TERB1: variants seen among roughly 807,000 people sequenced by gnomAD.
TERB1 encodes the protein telomere repeats-binding bouquet formation protein 1.
TERB1 carries 63 observed loss-of-function variants against 92.3 expected under a neutral mutation model. That is an observed-to-expected ratio of 0.68 (90% CI 0.56 to 0.84). TERB1 has a LOEUF of 0.84. TERB1 is among the 40% of genes least tolerant of loss of function. The probability of loss-of-function intolerance (pLI) is 0.00; values close to 1 mark genes in which losing one functional copy is unlikely to be tolerated. For synonymous variants in TERB1, 252 were observed against 283.9 expected (o/e 0.89, Z 1.13); for missense variants, 709 against 843.7 (o/e 0.84, Z 1.98).
At position 66,794,946 on chromosome 16, in the gene TERB1, C is replaced by A. The variant is rs191271262; in HGVS notation, c.31+1822G>T. ...AAACACACACACACACACACACACA[C>A]AATCAAATAAAATTTGATAAATTGG... On this transcript the variant is annotated intron_variant, in intron 3 of 18. Coordinates refer to ENST00000433154, the MANE Select transcript of TERB1 (RefSeq NM_001136505.2). 2.3e-3 allele frequency among the ~76,000 whole-genome samples: 352 copies of A among 151,772 alleles called. 2 individuals are homozygous for A. Among genetic ancestry groups the A allele is most frequent in the Non-Finnish European group, 3.6e-3 (246 of 67,898 alleles).
intron 1 of TERB1, 90 bp downstream of exon 1, chr16:66,801,378 A>T (rs1194328545): frequency 6.6e-6 from 1 of 152,352 alleles, no homozygotes; most frequent in African/African-American, 2.4e-5. Context: ...CCGTCCCCCC[A>T]ACTCGACCCT....
intron 16 of TERB1, among the ~76,000 whole-genome samples, chr16:66,759,952 G>A (rs192532355): frequency 6.7e-6 from 1 of 148,758 alleles, no homozygotes; most frequent in East Asian, 2.0e-4. Flanking sequence ...GGCCAATATG[G>A]TGAAACCCCA....
intron 2 of TERB1, 94 bp from the exon 3 acceptor site, chr16:66,796,924 C>G: frequency 1.6e-6 from 1 of 607,138 alleles, no homozygotes. Flanking sequence ...TTTCCTGAAG[C>G]CAAAAGACCG....
chr16:66,796,720 C>G (rs1287093405), intron 3 of TERB1, 48 bp downstream of exon 3: 2 of 1,322,274 alleles, frequency 1.5e-6, no homozygotes, highest in African/African-American at 2.9e-5. Context: ...ACAGTACATC[C>G]TACCAATACA....
Position 66,772,593 on chromosome 16 carries a change from T to G in TERB1, c.1268A>C (p.Asn423Thr). 1 of 1,540,688 alleles carries G rather than the reference T, an allele frequency of 6.5e-7. No individual in the cohort carries two copies. The highest frequency in any genetic ancestry group is 8.7e-7 in the Non-Finnish European group (1 of 1,144,386). Residue 423 changes from asparagine to threonine, a missense_variant, in exon 13 of 19, where the codon AAT becomes ACT. Coordinates refer to ENST00000433154, the MANE Select transcript of TERB1 (RefSeq NM_001136505.2). ...CTTTAAAACAAAGAATCCAACCTCA[T>G]TTCCTTCTCTTTCAAGCTGTTCTAT... is the stretch of plus-strand genomic sequence containing the variant. ...HRIEQLEREGNEEEIQRENYQ... is the reference protein window; with the variant it reads ...HRIEQLEREGTEEEIQRENYQ...
intron 9 of TERB1, 148 bp from the exon 10 acceptor site, chr16:66,779,163 C>T: frequency 1.9e-6 from 1 of 528,250 alleles, no homozygotes; most frequent in Admixed American, 3.7e-5. Context: ...CCAATCTTTA[C>T]CTGTGCATAT....
At chr16:66,791,057 T>C (rs768509779) in intron 3 of TERB1, 38 bp from the exon 4 acceptor site, 2 of 1,213,982 alleles carry the variant, frequency 1.6e-6, no homozygotes, top group Non-Finnish European at 2.3e-6. Context: ...AACCAAAAGG[T>C]TTATTTCATA....
intron 2 of TERB1, among the ~76,000 whole-genome samples, chr16:66,800,392 GTTT>G (rs537071270): frequency 1.1e-5 from 1 of 92,858 alleles, no homozygotes. Context: ...AATAAAGAAA[GTTT>G]TTTTTTTTTT....
chr16:66,767,043 A>C (rs756062724), intron 16 of TERB1, among the ~76,000 whole-genome samples: 22 of 152,298 alleles, frequency 1.4e-4, no homozygotes, highest in South Asian at 8.3e-4. Flanking sequence ...ATTCTAGTTA[A>C]TTACAATAAG....
intron 3 of TERB1, among the ~76,000 whole-genome samples, chr16:66,792,823 T>C (rs2018857988): frequency 6.6e-6 from 1 of 152,180 alleles, no homozygotes; most frequent in Non-Finnish European, 1.5e-5. Flanking sequence ...AATTTTTGTA[T>C]ATCTAAACAC....
intron 9 of TERB1, among the ~76,000 whole-genome samples, chr16:66,782,765 G>T (rs192173331): frequency 6.6e-6 from 1 of 152,118 alleles, no homozygotes; most frequent in Non-Finnish European, 1.5e-5. Flanking sequence ...TTTTGCTTGG[G>T]AATTCCATGA....
intron 3 of TERB1, among the ~76,000 whole-genome samples, chr16:66,796,094 C>T (rs1160367477): frequency 1.3e-5 from 2 of 152,180 alleles, no homozygotes; most frequent in African/African-American, 2.4e-5. Context: ...GCAATTCATA[C>T]TGTGTGTCTT....
Position 66,778,993 on chromosome 16 carries a change from T to TA in TERB1, c.722dup (p.Ser242IlefsTer18). The TA allele has an allele frequency of 6.6e-7, 1 of 1,515,364 alleles. No individual in the cohort carries two copies. Among genetic ancestry groups the TA allele is most frequent in the Non-Finnish European group, 8.9e-7 (1 of 1,120,242 alleles). 93.9% of individuals were successfully genotyped at this position (1,515,364 alleles called of 1,614,324 possible). A position where few individuals can be genotyped will look rare whatever the true frequency, so the allele number is the denominator to read the frequency against. On this transcript the variant is annotated frameshift_variant, in exon 10 of 19. Transcript: ENST00000433154. LOFTEE classifies it high-confidence loss of function. ...ACAATACATCCAGTCCGCCCACAGA[T>TA]ACGAAGTATTTCTGAACATATGCTT...
At chr16:66,779,337 C>T (rs897492610) in intron 9 of TERB1, among the ~76,000 whole-genome samples, 1 of 152,178 alleles carries the variant, frequency 6.6e-6, no homozygotes, top group African/African-American at 2.4e-5. Flanking sequence ...GTGGCTCATG[C>T]CTGTAATCCC....
chr16:66,774,917 G>C (rs1377926940), intron 12 of TERB1, among the ~76,000 whole-genome samples: 1 of 151,406 alleles, frequency 6.6e-6, no homozygotes, highest in African/African-American at 2.4e-5. Context: ...GGCTGGTCTT[G>C]AACTCCTGGA....
chr16:66,789,583 C>CAAAAAAAAAAAAAAAAAAA (rs1168904056), intron 5 of TERB1, among the ~76,000 whole-genome samples: 1 of 5,664 alleles, frequency 1.8e-4, no homozygotes, highest in Non-Finnish European at 2.2e-4. Flanking sequence ...GACTCCGTCT[C>CAAAAAAAAAAAAAAAAAAA]AAAAAAAAAA....
At chr16:66,767,559 A>G in intron 15 of TERB1, 49 bp from the exon 16 acceptor site, 1 of 829,790 alleles carries the variant, frequency 1.2e-6, no homozygotes, top group South Asian at 1.7e-5. Flanking sequence ...GAAAAGAATC[A>G]GATATTTTCA....
chr16:66,759,119 T>A, intron 17 of TERB1, 22 bp downstream of exon 17: 1 of 1,515,394 alleles, frequency 6.6e-7, no homozygotes, highest in Non-Finnish European at 8.9e-7. Context: ...AATTACAATT[T>A]TAAAGCTGCT....
chr16:66,788,117 C>T (rs1456150055), intron 6 of TERB1, 52 bp downstream of exon 6: 1 of 1,289,002 alleles, frequency 7.8e-7, no homozygotes, highest in Non-Finnish European at 1.0e-6. Flanking sequence ...TTAATAATGG[C>T]TGTTCCAATT....
Sources: gnomAD v4.1 joint callset for allele counts (sites outside exome capture counted in the v4.1 genomes callset) on GRCh38, gnomAD v4.1.1 for gene constraint, MANE v1.5 for transcripts, NCBI Gene and HGNC (gene_info 2026-07-23, HGNC 2026-07-21) for gene names.